DNAH14: variants seen among roughly 807,000 people sequenced by gnomAD.
The protein encoded by DNAH14 is axonemal beta dynein heavy chain 14.
In DNAH14, 478 loss-of-function variants were observed where a neutral mutation model predicts 520.9. That is an observed-to-expected ratio of 0.92 (90% confidence interval 0.85 to 0.99). The LOEUF (loss-of-function observed/expected upper bound fraction) is 0.99, where lower values mean the gene tolerates loss of function less well. DNAH14 is among the 50% of genes least tolerant of loss of function. DNAH14 has a pLI of 0.00. For missense variants in DNAH14, 4,831 were observed against 5,234.5 expected, an observed-to-expected ratio of 0.92 and a Z score of 2.38; for synonymous variants, 1,581 against 1,757.2, an observed-to-expected ratio of 0.90 and a Z score of 2.51.
chr1:225,130,240 T>C lies in DNAH14; in HGVS notation c.4254+6626T>C, dbSNP rs193061645. 5.1e-3 allele frequency among the ~76,000 whole-genome samples: 774 copies of C among 152,212 alleles called. 6 individuals carry two copies. Among genetic ancestry groups the C allele is most frequent in the African/African-American group, 0.018 (729 of 41,568 alleles). On this transcript the variant is annotated intron_variant, in intron 27 of 85. Transcript: ENST00000682510. ...TTGGTGGGACTGTAAACTAGTTCAA[T>C]CATTGTGGAAGTCAGTGTGGCAATT...
At chr1:224,943,088 C>T (rs1012611946) in intron 1 of DNAH14, among the ~76,000 whole-genome samples, 7 of 152,192 alleles carry the variant, frequency 4.6e-5, no homozygotes, top group Non-Finnish European at 8.8e-5. Context: ...GGTACCAGCT[C>T]TTCCTTGTAC....
intron 63 of DNAH14, 120 bp downstream of exon 63, chr1:225,324,473 C>T: frequency 7.7e-7 from 1 of 1,305,468 alleles, no homozygotes; most frequent in Non-Finnish European, 1.0e-6. Flanking sequence ...TAAGGAGAAA[C>T]ACTTTAATCA....
Position 225,136,314 on chromosome 1 carries a change from G to A in DNAH14, c.4255-4454G>A, listed in dbSNP as rs1357898919. 1.3e-5 allele frequency among the ~76,000 whole-genome samples: 2 copies of A among 152,096 alleles called. 1 individual carries two copies. Among genetic ancestry groups the A allele is most frequent in the African/African-American group, 4.8e-5 (2 of 41,406 alleles). ...TAATCGTTTTTTCTTTCAATATTTAGTGCTTCTTTCAGGAGCTCTTGCAAG... is the reference window on the plus strand; with the variant it reads ...TAATCGTTTTTTCTTTCAATATTTAATGCTTCTTTCAGGAGCTCTTGCAAG... On this transcript the variant is annotated intron_variant, in intron 27 of 85. Coordinates refer to ENST00000682510, the MANE Select transcript of DNAH14 (RefSeq NM_001367479.1).
At chr1:225,325,297 C>T (rs1461418451) in intron 64 of DNAH14, among the ~76,000 whole-genome samples, 2 of 151,856 alleles carry the variant, frequency 1.3e-5, no homozygotes, top group Non-Finnish European at 2.9e-5. Flanking sequence ...CCAGCCTGGC[C>T]AACATGGTGA....
At chr1:224,943,146 G>T (rs988027122) in intron 1 of DNAH14, among the ~76,000 whole-genome samples, 1 of 152,164 alleles carries the variant, frequency 6.6e-6, no homozygotes, top group Admixed American at 6.5e-5. Flanking sequence ...GACTTTTATG[G>T]TTGGTAAGCT....
At position 225,300,988 on chromosome 1, in the gene DNAH14, T is replaced by C; in HGVS notation, c.8589T>C (p.Gly2863=). The change falls in exon 56 of 86, where the codon GGT becomes GGC. Residue 2863 remains glycine, a synonymous_variant. Coordinates refer to ENST00000682510, the MANE Select transcript of DNAH14 (RefSeq NM_001367479.1). ...MKIRYLTEQS[G]HMDNRQSLLS... is the part of the protein sequence containing the mutation. ...TCAGATATCTTACTGAACAATCTGG[T>C]CATATGGATAATAGGCAATCTTTAC... 1 of 1,550,898 alleles carries C rather than the reference T, an allele frequency of 6.4e-7. No individual in the cohort carries two copies. Among genetic ancestry groups the C allele is most frequent in the Non-Finnish European group, 8.7e-7 (1 of 1,146,764 alleles).
At chr1:225,229,618 G>A (rs2090903023) in intron 41 of DNAH14, among the ~76,000 whole-genome samples, 1 of 152,164 alleles carries the variant, frequency 6.6e-6, no homozygotes, top group Non-Finnish European at 1.5e-5. Context: ...GTCCTTTGCA[G>A]GGACATGGAT....
intron 73 of DNAH14, 51 bp from the exon 74 acceptor site, chr1:225,358,443 ATC>A: frequency 7.3e-7 from 1 of 1,369,640 alleles, no homozygotes; most frequent in Non-Finnish European, 9.7e-7. Context: ...CATAGGGAAT[ATC>A]TCTCTGGGTG....
At chr1:225,177,882 G>A (rs890817966) in intron 36 of DNAH14, among the ~76,000 whole-genome samples, 1 of 152,170 alleles carries the variant, frequency 6.6e-6, no homozygotes, top group East Asian at 1.9e-4. Context: ...ATCTAGTGGA[G>A]CTGTTAGAAG....
chr1:225,194,531 C>A (rs2085875290), intron 38 of DNAH14, among the ~76,000 whole-genome samples: 1 of 152,044 alleles, frequency 6.6e-6, no homozygotes, highest in Admixed American at 6.6e-5. Context: ...CAAAAATCAA[C>A]TCAAGATAGA....
At chr1:225,194,846 G>T (rs2085929391) in intron 38 of DNAH14, among the ~76,000 whole-genome samples, 2 of 151,802 alleles carry the variant, frequency 1.3e-5, no homozygotes, top group Non-Finnish European at 2.9e-5. Context: ...CTAAAAAGTG[G>T]GCAAAGGATA....
intron 41 of DNAH14, among the ~76,000 whole-genome samples, chr1:225,229,831 G>A (rs1316562388): frequency 6.6e-6 from 1 of 151,748 alleles, no homozygotes; most frequent in Non-Finnish European, 1.5e-5. Flanking sequence ...TGGGTTGATG[G>A]ATGCAGCACA....
chr1:225,235,318 G>A (rs1179453716), intron 42 of DNAH14, among the ~76,000 whole-genome samples: 1 of 152,130 alleles, frequency 6.6e-6, no homozygotes, highest in Non-Finnish European at 1.5e-5. Context: ...TTTGTCTTTA[G>A]TTCTGTTTAT....
intron 18 of DNAH14, 68 bp downstream of exon 18, chr1:225,079,616 G>T (rs2072854431): frequency 8.2e-7 from 1 of 1,212,958 alleles, no homozygotes; most frequent in Middle Eastern, 2.6e-4. Flanking sequence ...GTAAGTCCAG[G>T]CATTTGGGTA....
intron 2 of DNAH14, among the ~76,000 whole-genome samples, chr1:224,954,747 C>A (rs2060402033): frequency 6.6e-6 from 1 of 152,052 alleles, no homozygotes; most frequent in Non-Finnish European, 1.5e-5. Context: ...AAGTGCCTAT[C>A]AAAAATTACT....
At chr1:225,283,825 C>G (rs181742752) in intron 54 of DNAH14, among the ~76,000 whole-genome samples, 4 of 152,170 alleles carry the variant, frequency 2.6e-5, no homozygotes, top group Non-Finnish European at 1.5e-5. Flanking sequence ...TGAAATCATA[C>G]GAAGTATGTT....
chr1:225,100,624 A>G (rs1162596525), intron 22 of DNAH14, 89 bp from the exon 23 acceptor site: 1 of 1,023,350 alleles, frequency 9.8e-7, no homozygotes, highest in Non-Finnish European at 1.3e-6. Context: ...TTATAACTCA[A>G]ACAGTATTCC....
At chr1:224,952,991 C>G (rs1023274892) in intron 2 of DNAH14, 20 of 358,346 alleles carry the variant, frequency 5.6e-5, no homozygotes, top group African/African-American at 4.0e-4. Flanking sequence ...TCCCCCAGAC[C>G]AACCTTGGAT....
intron 77 of DNAH14, among the ~76,000 whole-genome samples, chr1:225,371,898 AGTCATAACATTTGTT>A (rs1558552122): frequency 6.6e-6 from 1 of 152,196 alleles, no homozygotes; most frequent in Non-Finnish European, 1.5e-5. Flanking sequence ...GGGAGAAAAG[AGTCATAACATTTGTT>A]GAGAGCTTAA....
Sources: allele counts gnomAD v4.1 joint callset (sites outside exome capture counted in the v4.1 genomes callset), GRCh38; gene constraint gnomAD v4.1.1; transcripts MANE v1.5; gene names NCBI Gene and HGNC (gene_info 2026-07-23, HGNC 2026-07-21).